ANGPT4: variants seen among roughly 807,000 people sequenced by gnomAD.
The protein encoded by ANGPT4 is angiopoietin 4.
A neutral mutation model predicts 53.0 loss-of-function variants in ANGPT4; 50 were observed. That is an observed-to-expected ratio of 0.94 (90% confidence interval 0.75 to 1.20). ANGPT4 has a LOEUF of 1.20. Among genes scored for constraint, ANGPT4 ranks in the 50% most tolerant of loss-of-function variants. The probability of loss-of-function intolerance (pLI) is 0.00; values close to 1 mark genes in which losing one functional copy is unlikely to be tolerated. For missense variants in ANGPT4, 648 were observed against 637.1 expected, an observed-to-expected ratio of 1.02 and a Z score of -0.18; for synonymous variants, 251 against 259.7, an observed-to-expected ratio of 0.97 and a Z score of 0.32.
intron 1 of ANGPT4, among the ~76,000 whole-genome samples, chr20:910,636 C>T (rs1036522516): frequency 6.6e-6 from 1 of 152,138 alleles, no homozygotes; most frequent in African/African-American, 2.4e-5. Context: ...CATTTCCTGC[C>T]CAAGGAGAAG....
intron 1 of ANGPT4, among the ~76,000 whole-genome samples, chr20:904,063 T>A (rs140798557): frequency 6.6e-6 from 1 of 152,344 alleles, no homozygotes; most frequent in African/African-American, 2.4e-5. Flanking sequence ...TAGCTGTGTG[T>A]GTGTGTTTCA....
intron 1 of ANGPT4, among the ~76,000 whole-genome samples, chr20:907,775 C>G (rs1359285402): frequency 6.6e-6 from 1 of 152,160 alleles, no homozygotes; most frequent in Non-Finnish European, 1.5e-5. Flanking sequence ...TGCCCACCCC[C>G]CAACCTCACC....
rs1435521381 is a variant in ANGPT4, at chr20:872,658, T to C, written c.*302A>G. On this transcript the variant is annotated 3_prime_UTR_variant, in exon 9 of 9. Transcript: ENST00000381922. ...CATTGGTCATGGGAATCAAGTTTGG[T>C]CTGTTCTCAGCCCATTCAAGGTACT... 2.3e-5 allele frequency: 7 copies of C among 305,252 alleles called. No homozygotes were observed. In the East Asian group the frequency reaches 4.5e-4, roughly 20 times the overall value. The allele number at this position is 305,252 out of a possible 1,614,324, so 18.9% of individuals were successfully genotyped here. A position where few individuals can be genotyped will look rare whatever the true frequency, so the allele number is the denominator to read the frequency against.
chr20:871,896 G>C lies in ANGPT4; in HGVS notation c.*1064C>G, dbSNP rs1980955881. ...GAAAGGTTATTTCCAGTTGTTTTTA[G>C]AGGTTGTTTGAGGCTGTCACTGTGG... On this transcript the variant is annotated 3_prime_UTR_variant, in exon 9 of 9. Transcript: ENST00000381922. The C allele has an allele frequency of 6.6e-6, 1 of 152,192 alleles. No homozygotes were observed. The highest frequency in any genetic ancestry group is 1.5e-5 in the Non-Finnish European group (1 of 68,072). The allele number at this position is 152,192 out of a possible 1,614,324, so 9.4% of individuals were successfully genotyped here. A position where few individuals can be genotyped will look rare whatever the true frequency, so the allele number is the denominator to read the frequency against.
At chr20:880,539 G>A (rs1286715444) in intron 5 of ANGPT4, among the ~76,000 whole-genome samples, 2 of 151,860 alleles carry the variant, frequency 1.3e-5, no homozygotes, top group Non-Finnish European at 2.9e-5. Context: ...AGTGAGCTGT[G>A]ATCATGCCAT....
intron 1 of ANGPT4, among the ~76,000 whole-genome samples, chr20:891,631 C>G (rs1469451509): frequency 6.6e-6 from 1 of 152,216 alleles, no homozygotes. Context: ...GGACAGCTCT[C>G]AGGGTCCTTG....
chr20:894,780 A>G (rs1439671848), intron 1 of ANGPT4, among the ~76,000 whole-genome samples: 1 of 152,146 alleles, frequency 6.6e-6, no homozygotes, highest in African/African-American at 2.4e-5. Flanking sequence ...TGAGGCCCAG[A>G]AGTCTTGCCC....
chr20:913,639 C>T (rs1982797220), intron 1 of ANGPT4, among the ~76,000 whole-genome samples: 1 of 152,248 alleles, frequency 6.6e-6, no homozygotes, highest in Admixed American at 6.5e-5. Context: ...GTTTCCCAAG[C>T]ATCCGACACC....
In ANGPT4 at chr20:870,639, AGAG is replaced by A. The variant is rs1229977212; in HGVS notation, c.*2318_*2320del. On this transcript the variant is annotated 3_prime_UTR_variant, in exon 9 of 9. Coordinates refer to ENST00000381922, the MANE Select transcript of ANGPT4 (RefSeq NM_015985.4). ...AGGGACTTGGGCCTTCAACCCACCCAGAGGAGTTCTGTCCCTGGGCCTCACAGC... is the reference window on the plus strand; with the variant it reads ...AGGGACTTGGGCCTTCAACCCACCCAGAGTTCTGTCCCTGGGCCTCACAGC... The A allele has an allele frequency of 6.6e-6, 1 of 152,274 alleles. No individual in the cohort carries two copies. The highest frequency in any genetic ancestry group is 1.5e-5 in the Non-Finnish European group (1 of 68,074). 9.4% of individuals were successfully genotyped at this position (152,274 alleles called of 1,614,324 possible).
rs1343784861 is a variant in ANGPT4, at chr20:871,279, G to C, written c.*1681C>G. The C allele has an allele frequency of 6.6e-6, 1 of 152,334 alleles. No individual in the cohort carries two copies. The highest frequency in any genetic ancestry group is 1.5e-5 in the Non-Finnish European group (1 of 68,132). The allele number at this position is 152,334 out of a possible 1,614,324, so 9.4% of individuals were successfully genotyped here. A position where few individuals can be genotyped will look rare whatever the true frequency, so the allele number is the denominator to read the frequency against. On this transcript the variant is annotated 3_prime_UTR_variant, in exon 9 of 9. Transcript: ENST00000381922. The stretch of plus-strand genomic sequence containing the variant: ...TCAGTCTGTGCTGGGTTTACTCAGG[G>C]ATCGGCTGAGAGTGGGACTCAGGGC...
chr20:902,788 C>G lies in ANGPT4; in HGVS notation c.310-12420G>C, dbSNP rs1348207128. On this transcript the variant is annotated intron_variant, in intron 1 of 8. Transcript: ENST00000381922. Reference sequence around the variant, plus strand: ...CAGGAAAGGTTAAGACCCCTGAAGGCCTGTCCCACACAAGGTTCCTCACTG... The same window carrying G: ...CAGGAAAGGTTAAGACCCCTGAAGGGCTGTCCCACACAAGGTTCCTCACTG... Among the ~76,000 whole-genome samples, 3 of 152,138 alleles carry G rather than the reference C, an allele frequency of 2.0e-5. No homozygotes were observed. In the East Asian group the frequency reaches 5.8e-4, roughly 29 times the overall value.
At chr20:900,663 C>T (rs1475295903) in intron 1 of ANGPT4, among the ~76,000 whole-genome samples, 1 of 152,154 alleles carries the variant, frequency 6.6e-6, no homozygotes, top group Non-Finnish European at 1.5e-5. Context: ...TAGGCCTTGA[C>T]TTACTCACTG....
chr20:892,728 AGTGATGTGATCACGGCTCACTG>A (rs1473183817), intron 1 of ANGPT4, among the ~76,000 whole-genome samples: 1 of 152,060 alleles, frequency 6.6e-6, no homozygotes, highest in Non-Finnish European at 1.5e-5. Context: ...GCTGGAGTGC[AGTGATGTGATCACGGCTCACTG>A]CAGCCTGAAA....
At chr20:882,347 G>A (rs555841264) in intron 4 of ANGPT4, among the ~76,000 whole-genome samples, 2 of 152,170 alleles carry the variant, frequency 1.3e-5, no homozygotes, top group East Asian at 1.9e-4. Flanking sequence ...TCTCTGGGTA[G>A]CCAGGTACCC....
intron 3 of ANGPT4, among the ~76,000 whole-genome samples, chr20:887,250 C>A (rs954252883): frequency 6.6e-6 from 1 of 152,194 alleles, no homozygotes; most frequent in Non-Finnish European, 1.5e-5. Flanking sequence ...TTCTAGAATT[C>A]CTGCCCTGTC....
At chr20:875,853 G>A (rs1307264579) in intron 7 of ANGPT4, among the ~76,000 whole-genome samples, 3 of 152,142 alleles carry the variant, frequency 2.0e-5, no homozygotes, top group Non-Finnish European at 4.4e-5. Flanking sequence ...GCTGAGGCTG[G>A]GTAGGGTGGC....
chr20:881,718 G>C (rs1981413809), intron 4 of ANGPT4, among the ~76,000 whole-genome samples: 1 of 152,208 alleles, frequency 6.6e-6, no homozygotes, highest in Admixed American at 6.5e-5. Context: ...GGAAGGAAAA[G>C]GAGAGACGAA....
chr20:890,408 G>A, intron 1 of ANGPT4, 40 bp from the exon 2 acceptor site: 1 of 1,572,554 alleles, frequency 6.4e-7, no homozygotes, highest in Non-Finnish European at 8.6e-7. Context: ...GGGAGGGGCG[G>A]GGGAAGCCCC....
intron 1 of ANGPT4, among the ~76,000 whole-genome samples, chr20:897,521 T>A (rs1459007324): frequency 2.6e-5 from 4 of 152,208 alleles, no homozygotes; most frequent in Non-Finnish European, 5.9e-5. Context: ...GGTCATGGAC[T>A]CAGGAAGACA....
Sources: gnomAD v4.1 joint callset for allele counts (sites outside exome capture counted in the v4.1 genomes callset) on GRCh38, gnomAD v4.1.1 for gene constraint, MANE v1.5 for transcripts, NCBI Gene and HGNC (gene_info 2026-07-23, HGNC 2026-07-21) for gene names.